SPECC1: variants seen among roughly 807,000 people sequenced by gnomAD.
The protein encoded by SPECC1 is sperm antigen with calponin homology and coiled-coil domains 1, also known as cytospin-B.
A neutral mutation model predicts 104.1 loss-of-function variants in SPECC1; 62 were observed. The observed-to-expected ratio is 0.60, with a 90% confidence interval of 0.49 to 0.74. The LOEUF is 0.74. SPECC1 is among the 30% of genes least tolerant of loss of function. The pLI is 0.00. For missense variants in SPECC1, 1,306 were observed against 1,310.5 expected (o/e 1.00, Z 0.05); for synonymous variants, 513 against 501.6 (o/e 1.02, Z -0.30).
intron 2 of SPECC1, among the ~76,000 whole-genome samples, chr17:20,108,189 A>G (rs2048324988): frequency 6.6e-6 from 1 of 151,948 alleles, no homozygotes; most frequent in African/African-American, 2.4e-5. Flanking sequence ...ATTTTATATT[A>G]TGCTTATTTT....
chr17:20,161,450 C>T (rs1002819671), intron 3 of SPECC1, among the ~76,000 whole-genome samples: 3 of 152,026 alleles, frequency 2.0e-5, no homozygotes, highest in Admixed American at 6.6e-5. Flanking sequence ...AGTAAGTCTT[C>T]TGTGCATCAT....
At chr17:20,275,358 C>A (rs2040541744) in intron 12 of SPECC1, among the ~76,000 whole-genome samples, 1 of 152,046 alleles carries the variant, frequency 6.6e-6, no homozygotes, top group Admixed American at 6.6e-5. Context: ...CTCAATAAGG[C>A]CTGTTTTTGT....
intron 7 of SPECC1, among the ~76,000 whole-genome samples, chr17:20,234,108 G>A (rs774013444): frequency 3.3e-5 from 5 of 152,232 alleles, no homozygotes; most frequent in South Asian, 2.1e-4. Context: ...CTCCGCATAC[G>A]TCCTGCCAGT....
chr17:20,012,301 A>G (rs753311259), intron 1 of SPECC1, among the ~76,000 whole-genome samples: 1 of 152,000 alleles, frequency 6.6e-6, no homozygotes, highest in Non-Finnish European at 1.5e-5. Context: ...CTGCATCCTT[A>G]ACTTATTTTT....
At chr17:20,230,258 C>G (rs146541503) in intron 5 of SPECC1, among the ~76,000 whole-genome samples, 2 of 152,322 alleles carry the variant, frequency 1.3e-5, no homozygotes, top group African/African-American at 4.8e-5. Flanking sequence ...TGGCAACTCT[C>G]TGCAACTACC....
intron 12 of SPECC1, among the ~76,000 whole-genome samples, chr17:20,264,021 T>G (rs2040125023): frequency 6.6e-6 from 1 of 152,194 alleles, no homozygotes; most frequent in Non-Finnish European, 1.5e-5. Context: ...AATATGACCA[T>G]GTGTCTGCTT....
chr17:20,123,247 G>T (rs1276959488), intron 3 of SPECC1, among the ~76,000 whole-genome samples: 1 of 152,154 alleles, frequency 6.6e-6, no homozygotes, highest in Non-Finnish European at 1.5e-5. Flanking sequence ...AGCACACGTG[G>T]GATCCAAAGA....
At chr17:20,127,999 A>T (rs1389142667) in intron 3 of SPECC1, among the ~76,000 whole-genome samples, 1 of 152,182 alleles carries the variant, frequency 6.6e-6, no homozygotes, top group African/African-American at 2.4e-5. Flanking sequence ...GAAATTCACC[A>T]GTCCATATAC....
chr17:20,242,342 T>C (rs1457902167), intron 7 of SPECC1, among the ~76,000 whole-genome samples: 1 of 152,258 alleles, frequency 6.6e-6, no homozygotes, highest in Non-Finnish European at 1.5e-5. Flanking sequence ...TATGTATATG[T>C]GCTTAAATGA....
At chr17:20,228,249 G>A (rs2038353529) in intron 5 of SPECC1, among the ~76,000 whole-genome samples, 1 of 152,164 alleles carries the variant, frequency 6.6e-6, no homozygotes, top group Admixed American at 6.5e-5. Flanking sequence ...CTGGAGTGCA[G>A]TGGTGCAGTT....
rs1181238795 is a variant in SPECC1, at chr17:20,313,962, C to G, written c.3118-14C>G. The stretch of plus-strand genomic sequence containing the variant: ...CCTGCCTTGTGATCTGTCCCCCATT[C>G]CCTTCCCCTGCAGGAACTCAGCGAG... On this transcript the variant is annotated splice_polypyrimidine_tract_variant and intron_variant, in intron 14 of 14. Transcript: ENST00000395527. The G allele has an allele frequency of 6.2e-7, 1 of 1,613,556 alleles. No individual in the cohort carries two copies. Among genetic ancestry groups the G allele is most frequent in the African/African-American group, 1.3e-5 (1 of 75,036 alleles).
chr17:20,227,615 T>C lies in SPECC1; in HGVS notation c.2066T>C (p.Leu689Pro), dbSNP rs1368241215. ...CACAATAATCAACTCATCAGTGAGCTAGAAAGTAAGTGGGGTCTGCCAGGC... is the reference window on the plus strand; with the variant it reads ...CACAATAATCAACTCATCAGTGAGCCAGAAAGTAAGTGGGGTCTGCCAGGC... ...KLHNNQLISE[L>P]ESSVIKLEEQ... The change falls in exon 5 of 15, where the codon CTA becomes CCA. Residue 689 changes from leucine to proline, a missense_variant. This residue lies in a region of SPECC1 where 1,177 missense variants were observed against 1,139.9 expected (regional missense o/e 1.03). Coordinates refer to ENST00000395527, the MANE Select transcript of SPECC1 (RefSeq NM_001243439.2). The C allele has an allele frequency of 6.2e-7, 1 of 1,611,108 alleles. No individual in the cohort carries two copies. The highest frequency in any genetic ancestry group is 1.1e-5 in the South Asian group (1 of 90,772).
At chr17:20,089,333 A>T (rs2047307458) in intron 1 of SPECC1, among the ~76,000 whole-genome samples, 2 of 152,238 alleles carry the variant, frequency 1.3e-5, no homozygotes. Context: ...GCTTAAAAAT[A>T]CAGTAAAATG....
intron 1 of SPECC1, among the ~76,000 whole-genome samples, chr17:20,023,329 C>T (rs1415341129): frequency 6.6e-6 from 1 of 152,100 alleles, no homozygotes; most frequent in Non-Finnish European, 1.5e-5. Context: ...TTTTAAGGTG[C>T]AAGGTTATAC....
intron 1 of SPECC1, among the ~76,000 whole-genome samples, chr17:20,050,526 T>C (rs1264856407): frequency 6.6e-6 from 1 of 152,234 alleles, no homozygotes; most frequent in African/African-American, 2.4e-5. Flanking sequence ...TATTGGAATA[T>C]TTCAGTAGTT....
At chr17:20,188,825 T>C (rs1426200720) in intron 3 of SPECC1, among the ~76,000 whole-genome samples, 1 of 152,184 alleles carries the variant, frequency 6.6e-6, no homozygotes, top group Non-Finnish European at 1.5e-5. Context: ...TTTGTGTGTT[T>C]TGACCCATGG....
At chr17:20,121,520 A>G (rs1309107686) in intron 3 of SPECC1, among the ~76,000 whole-genome samples, 2 of 152,012 alleles carry the variant, frequency 1.3e-5, no homozygotes, top group African/African-American at 4.8e-5. Context: ...ACAGGTGCAC[A>G]CCACCGGGGT....
chr17:20,127,563 C>G (rs76274376), intron 3 of SPECC1, among the ~76,000 whole-genome samples: 2 of 151,338 alleles, frequency 1.3e-5, no homozygotes, highest in East Asian at 3.9e-4. Flanking sequence ...TTGCCTCAGG[C>G]TCTCAAAGTG....
intron 2 of SPECC1, among the ~76,000 whole-genome samples, chr17:20,103,157 G>A (rs1368629175): frequency 6.6e-6 from 1 of 152,164 alleles, no homozygotes; most frequent in Admixed American, 6.5e-5. Flanking sequence ...CTGTGACGTG[G>A]GATGGGGACC....
Sources: allele counts gnomAD v4.1 joint callset (sites outside exome capture counted in the v4.1 genomes callset), GRCh38; gene constraint gnomAD v4.1.1; regional missense constraint gnomAD v4.1.1; transcripts MANE v1.5; gene names NCBI Gene and HGNC (gene_info 2026-07-23, HGNC 2026-07-21).